KLHL26: variants seen among roughly 807,000 people sequenced by gnomAD.
KLHL26 encodes kelch-like protein 26.
A neutral mutation model predicts 7.1 loss-of-function variants in KLHL26; 4 were observed. The observed-to-expected ratio is 0.56, with a 90% CI of 0.28 to 1.28. KLHL26 has a LOEUF of 1.28. Among genes scored for constraint, KLHL26 ranks in the 50% most tolerant of loss-of-function variants. The pLI is 0.11. For missense variants in KLHL26, 896 were observed against 924.6 expected, an observed-to-expected ratio of 0.97 and a Z score of 0.40; for synonymous variants, 465 against 414.1, an observed-to-expected ratio of 1.12 and a Z score of -1.49.
At chr19:18,641,873 C>T (rs545564659) in intron 1 of KLHL26, among the ~76,000 whole-genome samples, 267 of 150,812 alleles carry the variant, frequency 1.8e-3, no homozygotes, top group African/African-American at 6.0e-3. Flanking sequence ...GTGATCTGCC[C>T]GCCTCAGCCT....
rs1976632697 is a variant in KLHL26 at position 18,637,109 on chromosome 19, G to A, written c.55G>A (p.Ala19Thr). 2.2e-6 allele frequency: 3 copies of A among 1,368,682 alleles called. No individual in the cohort carries two copies. In the South Asian group the frequency reaches 5.3e-5, roughly 24 times the overall value. 84.8% of individuals were successfully genotyped at this position (1,368,682 alleles called of 1,614,324 possible). ...TGCTGGTGGCGGCGGCGCTTTCGGC[G>A]CGGGCCCGGGCCCCGAGCGCCCGAA... is the stretch of plus-strand genomic sequence containing the variant. ...GGAGGGGAFG[A>T]GPGPERPNST... Residue 19 changes from alanine to threonine, a missense_variant, in exon 1 of 3, where the codon GCG (alanine) becomes ACG (threonine). Ala to Thr is a moderately conservative substitution (Grantham distance 58, BLOSUM62 0). Coordinates refer to ENST00000300976, the MANE Select transcript of KLHL26 (RefSeq NM_018316.3).
chr19:18,649,871 G>A lies in KLHL26; in HGVS notation c.83+12734G>A, dbSNP rs762110370. Among the ~76,000 whole-genome samples the A allele has an allele frequency of 9.9e-5, 15 of 152,224 alleles. No homozygotes were observed. Among genetic ancestry groups the A allele is most frequent in the Non-Finnish European group, 1.6e-4 (11 of 68,048 alleles). ...CCTAGCATTCCTCCTCTGCAGAGTG[G>A]ATTTTGGTGCATGTCCAGCGTGATT... On this transcript the variant is annotated intron_variant, in intron 1 of 2. Coordinates refer to ENST00000300976, the MANE Select transcript of KLHL26 (RefSeq NM_018316.3). This position sits in a 1 kb window ranked among gnomAD's most constrained non-coding sequence, Gnocchi z 4.0.
rs1037729695 is a variant in KLHL26, at chr19:18,669,637, A to G, written c.*392A>G. On this transcript the variant is annotated 3_prime_UTR_variant, in exon 3 of 3. Transcript: ENST00000300976. ...GTTTCAGGCATTCAGATGTGAGCTC[A>G]TCAACATTGAACCCAAAGTCGGTGG... The G allele has an allele frequency of 1.5e-5, 6 of 400,588 alleles. No homozygotes were observed. Among genetic ancestry groups the G allele is most frequent in the Non-Finnish European group, 2.2e-5 (5 of 224,068 alleles). The allele number at this position is 400,588 out of a possible 1,614,324, so 24.8% of individuals were successfully genotyped here. A position where few individuals can be genotyped will look rare whatever the true frequency, so the allele number is the denominator to read the frequency against.
At position 18,670,429 on chromosome 19, in the gene KLHL26, ACCT is replaced by A. The variant is rs1258415447; in HGVS notation, c.*1188_*1190del. The A allele has an allele frequency of 1.3e-5, 2 of 151,708 alleles. No homozygotes were observed. Among genetic ancestry groups the A allele is most frequent in the Non-Finnish European group, 2.9e-5 (2 of 67,890 alleles). 9.4% of individuals were successfully genotyped at this position (151,708 alleles called of 1,614,324 possible). On this transcript the variant is annotated 3_prime_UTR_variant, in exon 3 of 3. Transcript: ENST00000300976. ...GACCCACTCACCATGTAAAGAATTA[ACCT>A]CCTATCTTAGCAGACATCGTCTCCT...
rs2052490257 is a variant in KLHL26 at position 18,668,825 on chromosome 19, G to A, written c.1428G>A (p.Lys476=). ...GGYGISVEDK[K]ALHCYDPVAD... is the part of the protein sequence containing the mutation. Reference sequence around the variant, plus strand: ...ACGGGATCTCAGTGGAGGACAAGAAGGCCCTGCACTGCTACGACCCCGTGG... The same window carrying A: ...ACGGGATCTCAGTGGAGGACAAGAAAGCCCTGCACTGCTACGACCCCGTGG... Residue 476 remains lysine (K), a synonymous_variant, in exon 3 of 3, where the codon AAG becomes AAA. Coordinates refer to ENST00000300976, the MANE Select transcript of KLHL26 (RefSeq NM_018316.3). The A allele has an allele frequency of 6.3e-7, 1 of 1,594,198 alleles. No individual in the cohort carries two copies. The highest frequency in any genetic ancestry group is 8.5e-7 in the Non-Finnish European group (1 of 1,176,874).
chr19:18,663,510 C>T (rs2052412704), intron 1 of KLHL26, among the ~76,000 whole-genome samples: 1 of 152,160 alleles, frequency 6.6e-6, no homozygotes, highest in Admixed American at 6.5e-5. Context: ...TGCCCGCATT[C>T]CTGGCCTTTG....
At chr19:18,658,549 GTCTCCC>G (rs2052357970) in intron 1 of KLHL26, among the ~76,000 whole-genome samples, 1 of 116,984 alleles carries the variant, frequency 8.5e-6, no homozygotes, top group Non-Finnish European at 1.8e-5. Flanking sequence ...CTGGGTCTCT[GTCTCCC>G]TCTCTCCCTG....
rs563449198 is a variant in KLHL26, at chr19:18,668,984, G to A, written c.1587G>A (p.Val529=). ...HVDRCFDVLA[V]EYYVPETDQW... is the part of the protein sequence containing the mutation. Reference sequence around the variant, plus strand: ...ACCGCTGCTTCGACGTGCTGGCTGTGGAGTACTATGTGCCGGAGACGGACC... The same window carrying A: ...ACCGCTGCTTCGACGTGCTGGCTGTAGAGTACTATGTGCCGGAGACGGACC... The change falls in exon 3 of 3, where the codon GTG becomes GTA. Residue 529 remains valine, a synonymous_variant. Transcript: ENST00000300976. 33 of 1,612,500 alleles carry A rather than the reference G, an allele frequency of 2.0e-5. No homozygotes were observed. In the South Asian group the frequency reaches 3.1e-4, roughly 15 times the overall value.
At position 18,656,223 on chromosome 19, in the gene KLHL26, C is replaced by T. The variant is rs2052331332; in HGVS notation, c.84-8038C>T. ...GGTGGACGGGCCTCAGCTTTCTGCT[C>T]CCAGCTCTGTGGGCTTCACCTCTCA... On this transcript the variant is annotated intron_variant, in intron 1 of 2. Transcript: ENST00000300976. The surrounding 1 kb of genome is among the most constrained non-coding windows in gnomAD (Gnocchi z 4.4). Among the ~76,000 whole-genome samples, 3 of 152,190 alleles carry T rather than the reference C, an allele frequency of 2.0e-5. No homozygotes were observed. In the South Asian group the frequency reaches 6.2e-4, roughly 31 times the overall value.
At chr19:18,655,009 T>C (rs1232510533) in intron 1 of KLHL26, among the ~76,000 whole-genome samples, 2 of 152,042 alleles carry the variant, frequency 1.3e-5, no homozygotes, top group Non-Finnish European at 2.9e-5. Context: ...CTTTCAGCCA[T>C]GGGGAGACAG....
intron 1 of KLHL26, among the ~76,000 whole-genome samples, chr19:18,645,211 G>C (rs1242538615): frequency 6.6e-6 from 1 of 152,176 alleles, no homozygotes; most frequent in Non-Finnish European, 1.5e-5. Flanking sequence ...TCGGGCCGCG[G>C]GGTCTAGACT....
At chr19:18,652,988 G>A (rs1461350290) in intron 1 of KLHL26, among the ~76,000 whole-genome samples, 1 of 152,188 alleles carries the variant, frequency 6.6e-6, no homozygotes, top group Non-Finnish European at 1.5e-5. Context: ...GGGACACTAG[G>A]TATGGCCAGC....
In KLHL26 at chr19:18,649,920, A is replaced by G. The variant is rs1372364174; in HGVS notation, c.83+12783A>G. On this transcript the variant is annotated intron_variant, in intron 1 of 2. Transcript: ENST00000300976. This position sits in a 1 kb window ranked among gnomAD's most constrained non-coding sequence, Gnocchi z 4.0. The stretch of plus-strand genomic sequence containing the variant: ...TTTCAGACCCCTCACTGCGCAGCGG[A>G]GTGCCTGATCGCTCTGTGTGCACCA... Among the ~76,000 whole-genome samples, 2 of 152,198 alleles carry G rather than the reference A, an allele frequency of 1.3e-5. No individual in the cohort carries two copies. Among genetic ancestry groups the G allele is most frequent in the Non-Finnish European group, 2.9e-5 (2 of 68,038 alleles).
chr19:18,664,047 A>G (rs3764596), intron 1 of KLHL26, among the ~76,000 whole-genome samples: 37,811 of 148,510 alleles, frequency 0.25, 4,872 homozygotes, highest in African/African-American at 0.3. Flanking sequence ...ACCCCACCCC[A>G]TCAGCAGTCA....
intron 1 of KLHL26, among the ~76,000 whole-genome samples, chr19:18,658,646 T>C (rs1458589400): frequency 6.6e-6 from 1 of 150,754 alleles, no homozygotes; most frequent in Non-Finnish European, 1.5e-5. Context: ...TCTAGGTCTC[T>C]GTCTTCCTCT....
At chr19:18,660,014 C>T (rs1399138498) in intron 1 of KLHL26, among the ~76,000 whole-genome samples, 1 of 152,200 alleles carries the variant, frequency 6.6e-6, no homozygotes, top group Non-Finnish European at 1.5e-5. Flanking sequence ...GAAGGAGCCT[C>T]CACAGGGTGT....
Position 18,637,128 on chromosome 19 carries a change from G to C in KLHL26, c.74G>C (p.Arg25Pro). The C allele has an allele frequency of 7.4e-7, 1 of 1,351,912 alleles. No individual in the cohort carries two copies. The highest frequency in any genetic ancestry group is 1.9e-5 in the South Asian group (1 of 52,648). The allele number at this position is 1,351,912 out of a possible 1,614,324, so 83.7% of individuals were successfully genotyped here. A position where few individuals can be genotyped will look rare whatever the true frequency, so the allele number is the denominator to read the frequency against. ...TTCGGCGCGGGCCCGGGCCCCGAGC[G>C]CCCGAACAGGTGAGACCCGGCCCGC... is the stretch of plus-strand genomic sequence containing the variant. The part of the protein sequence containing the change: ...GAFGAGPGPE[R>P]PNSTADKNGA... Residue 25 changes from arginine (R) to proline (P), a missense_variant, in exon 1 of 3, where the codon CGC becomes CCC. Transcript: ENST00000300976.
chr19:18,666,987 C>T (rs556821591), intron 2 of KLHL26, among the ~76,000 whole-genome samples: 8 of 152,334 alleles, frequency 5.3e-5, no homozygotes, highest in South Asian at 4.1e-4. Context: ...ACCGCACCCC[C>T]GACAGGCACA....
chr19:18,666,756 T>C (rs944540330), intron 2 of KLHL26, among the ~76,000 whole-genome samples: 1 of 152,158 alleles, frequency 6.6e-6, no homozygotes, highest in African/African-American at 2.4e-5. Context: ...GGACCCTCAT[T>C]ACCTTCCCCT....
Sources: gnomAD v4.1 joint callset for allele counts (sites outside exome capture counted in the v4.1 genomes callset) on GRCh38, gnomAD v4.1.1 for gene constraint, Gnocchi (gnomAD v3.1) non-coding constraint, MANE v1.5 for transcripts, NCBI Gene and HGNC (gene_info 2026-07-23, HGNC 2026-07-21) for gene names.